Variants in LTBP1 observed in about 807,000 individuals in gnomAD.
The protein encoded by LTBP1 is latent-transforming growth factor beta-binding protein 1.
Under a neutral mutation model 207.6 loss-of-function variants are expected in LTBP1, and 129 were observed. The observed-to-expected ratio is 0.62, with a 90% CI of 0.54 to 0.72. The LOEUF is 0.72. Among genes scored for constraint, LTBP1 ranks in the 30% least tolerant of loss-of-function variants. LTBP1 has a pLI of 0.00. For synonymous variants in LTBP1, 963 were observed against 833.7 expected (o/e 1.16, Z -2.67); for missense variants, 2,281 against 2,217.2 (o/e 1.03, Z -0.58).
Position 33,134,567 on chromosome 2 carries a change from CT to C in LTBP1, c.1034-225del. 1.3e-6 allele frequency: 2 copies of C among 1,533,526 alleles called. No homozygotes were observed. The highest frequency in any genetic ancestry group is 2.4e-5 in the South Asian group (2 of 82,966). 95.0% of individuals were successfully genotyped at this position (1,533,526 alleles called of 1,614,324 possible). On this transcript the variant is annotated intron_variant, in intron 4 of 33. Coordinates refer to ENST00000404816, the MANE Select transcript of LTBP1 (RefSeq NM_206943.4). This position sits in a 1 kb window ranked among gnomAD's most constrained non-coding sequence, Gnocchi z 4.4. The stretch of plus-strand genomic sequence containing the variant: ...TGGTTTTGGAGTGCATCCCAGAGTT[CT>C]GTTTGCTAAGCTTCCTACTCCTGTT...
At chr2:33,205,557 T>G (rs140247836) in intron 7 of LTBP1, among the ~76,000 whole-genome samples, 1 of 152,218 alleles carries the variant, frequency 6.6e-6, no homozygotes, top group African/African-American at 2.4e-5. Flanking sequence ...GGTTCCATCA[T>G]GTTACTGCCA....
chr2:33,333,991 C>G (rs2149520083), intron 24 of LTBP1, among the ~76,000 whole-genome samples: 1 of 152,216 alleles, frequency 6.6e-6, no homozygotes, highest in East Asian at 1.9e-4. Flanking sequence ...CTGTAGAATC[C>G]AAGGGAAAAG....
chr2:33,322,246 C>G (rs2094366248), intron 24 of LTBP1, among the ~76,000 whole-genome samples: 1 of 151,986 alleles, frequency 6.6e-6, no homozygotes, highest in African/African-American at 2.4e-5. Flanking sequence ...AGGCAGAAGA[C>G]TGCCAGAAAG....
intron 5 of LTBP1, among the ~76,000 whole-genome samples, chr2:33,161,262 C>CT (rs531382337): frequency 0.022 from 3,016 of 135,292 alleles, 38 homozygotes; most frequent in Non-Finnish European, 0.026. Flanking sequence ...TTTTTTTTTC[C>CT]TTTTTTTTTT....
chr2:33,028,572 A>C (rs140257961), intron 3 of LTBP1, among the ~76,000 whole-genome samples: 1 of 152,262 alleles, frequency 6.6e-6, no homozygotes, highest in Non-Finnish European at 1.5e-5. Context: ...TCAGGAAACC[A>C]ATTCAAAAAG....
In LTBP1 at chr2:33,364,236, C is replaced by A. The variant is rs1460645971; in HGVS notation, c.4420C>A (p.Pro1474Thr). The part of the protein sequence containing the change: ...QCFDMDECQD[P>T]SSCIDGQCVN... ...TTAAGATATGGATGAATGTCAAGAC[C>A]CCAGTAGTTGTATTGATGGCCAGTG... Residue 1474 changes from proline (P) to threonine (T), a missense_variant, in exon 30 of 34, where the codon CCC becomes ACC. By Grantham distance (38) the Pro-to-Thr change is conservative. Coordinates refer to ENST00000404816, the MANE Select transcript of LTBP1 (RefSeq NM_206943.4). 6 of 1,613,558 alleles carry A rather than the reference C, an allele frequency of 3.7e-6. No homozygotes were observed. The East Asian group carries it at 1.1e-4, about 30-fold the overall frequency.
At chr2:33,359,798 T>G (rs150368312) in intron 26 of LTBP1, among the ~76,000 whole-genome samples, 2,305 of 152,346 alleles carry the variant, frequency 0.015, 28 homozygotes, top group Admixed American at 0.022. Context: ...AAGCACAGAC[T>G]TGTTCAAAGA....
chr2:33,188,576 G>T lies in LTBP1; in HGVS notation c.1427-1G>T. ...CAAGTTTTCCTCCCAATCTGTTGTAGTGAAATTTCCTCCTAACATAGTCAA... is the reference window on the plus strand; with the variant it reads ...CAAGTTTTCCTCCCAATCTGTTGTATTGAAATTTCCTCCTAACATAGTCAA... On this transcript the variant is annotated splice_acceptor_variant, in intron 6 of 33. Coordinates refer to ENST00000404816, the MANE Select transcript of LTBP1 (RefSeq NM_206943.4). LOFTEE classifies it high-confidence loss of function. The T allele has an allele frequency of 6.2e-7, 1 of 1,607,344 alleles. No homozygotes were observed. The highest frequency in any genetic ancestry group is 8.5e-7 in the Non-Finnish European group (1 of 1,176,742).
At chr2:32,994,362 A>G (rs911184285) in intron 2 of LTBP1, among the ~76,000 whole-genome samples, 7 of 152,196 alleles carry the variant, frequency 4.6e-5, no homozygotes, top group African/African-American at 1.4e-4. Flanking sequence ...CTGAGGCACC[A>G]AGGGATTAAG....
intron 18 of LTBP1, among the ~76,000 whole-genome samples, chr2:33,279,310 G>A (rs1304187170): frequency 2.6e-5 from 4 of 151,226 alleles, no homozygotes; most frequent in Non-Finnish European, 4.4e-5. Flanking sequence ...TCAAGCTGTC[G>A]TAGTTATCTC....
chr2:33,126,998 C>T (rs1169727342), intron 4 of LTBP1, among the ~76,000 whole-genome samples: 1 of 152,088 alleles, frequency 6.6e-6, no homozygotes, highest in Non-Finnish European at 1.5e-5. Flanking sequence ...TTGTTTTGGC[C>T]ATTGCAAAAA....
chr2:33,292,815 C>A (rs1382708007), intron 19 of LTBP1, among the ~76,000 whole-genome samples: 1 of 152,148 alleles, frequency 6.6e-6, no homozygotes, highest in African/African-American at 2.4e-5. Flanking sequence ...AGACCTCAAC[C>A]CATCTTTGGT....
chr2:33,103,249 A>G (rs2079843652), intron 3 of LTBP1, among the ~76,000 whole-genome samples: 1 of 148,546 alleles, frequency 6.7e-6, no homozygotes, highest in South Asian at 2.1e-4. Flanking sequence ...GTCTGTATGC[A>G]GTCTCTATGT....
At chr2:33,215,529 C>T (rs552458560) in intron 7 of LTBP1, among the ~76,000 whole-genome samples, 7 of 152,168 alleles carry the variant, frequency 4.6e-5, no homozygotes, top group South Asian at 4.2e-4. Flanking sequence ...AGTTACTTAG[C>T]GCCTCAGTCA....
intron 9 of LTBP1, among the ~76,000 whole-genome samples, chr2:33,236,125 G>T (rs774878558): frequency 2.8e-4 from 42 of 152,172 alleles, no homozygotes; most frequent in Non-Finnish European, 5.6e-4. Flanking sequence ...AAACCAACAG[G>T]TAAGAACTAA....
At chr2:32,989,711 A>G (rs1442533083) in intron 2 of LTBP1, among the ~76,000 whole-genome samples, 2 of 152,178 alleles carry the variant, frequency 1.3e-5, no homozygotes, top group African/African-American at 4.8e-5. Context: ...GCCATCATCA[A>G]GGACTGTGTG....
intron 5 of LTBP1, among the ~76,000 whole-genome samples, chr2:33,178,428 C>T (rs764005514): frequency 3.9e-5 from 6 of 152,120 alleles, no homozygotes; most frequent in Non-Finnish European, 7.3e-5. Context: ...GATGAATGGC[C>T]TCATCTCATC....
intron 9 of LTBP1, among the ~76,000 whole-genome samples, chr2:33,227,731 A>C (rs2091520130): frequency 6.6e-6 from 1 of 151,382 alleles, no homozygotes; most frequent in African/African-American, 2.4e-5. Context: ...CCAGAGGCCC[A>C]ATTTTTAAAA....
intron 3 of LTBP1, among the ~76,000 whole-genome samples, chr2:33,094,743 C>G (rs1278202892): frequency 6.6e-6 from 1 of 152,162 alleles, no homozygotes; most frequent in African/African-American, 2.4e-5. Flanking sequence ...TGATGAATCC[C>G]CTTGGCCTTG....
Sources: allele counts gnomAD v4.1 joint callset (sites outside exome capture counted in the v4.1 genomes callset), GRCh38; gene constraint gnomAD v4.1.1; non-coding constraint Gnocchi (gnomAD v3.1); transcripts MANE v1.5; gene names NCBI Gene and HGNC (gene_info 2026-07-23, HGNC 2026-07-21).